The following SMC4 variants were observed in gnomAD, a reference collection of about 807,000 sequenced individuals.
SMC4 encodes structural maintenance of chromosomes protein 4.
In SMC4, 87 loss-of-function variants were observed where a neutral mutation model predicts 145.6. That is an observed-to-expected ratio of 0.60 (90% confidence interval 0.50 to 0.71). The LOEUF (loss-of-function observed/expected upper bound fraction) is 0.71, where lower values mean the gene tolerates loss of function less well. SMC4 is among the 30% of genes least tolerant of loss of function. SMC4 has a pLI of 0.00. For missense variants in SMC4, 1,447 were observed against 1,537.1 expected, an observed-to-expected ratio of 0.94 and a Z score of 0.98; for synonymous variants, 558 against 500.7, an observed-to-expected ratio of 1.11 and a Z score of -1.53.
chr3:160,416,228 T>C (rs1716563314), intron 9 of SMC4, 23 bp from the exon 10 acceptor site: 1 of 1,544,034 alleles, frequency 6.5e-7, no homozygotes, highest in Non-Finnish European at 8.7e-7. Context: ...TGTATGCTCC[T>C]ATAACTTGTT....
intron 22 of SMC4, 85 bp from the exon 23 acceptor site, chr3:160,432,941 T>A (rs1462604997): frequency 1.3e-5 from 11 of 862,230 alleles, no homozygotes; most frequent in Non-Finnish European, 2.0e-5. Flanking sequence ...AAAAAGATAG[T>A]AGAACTCAAT....
In SMC4 at chr3:160,423,685, T is replaced by C. The variant is rs371972543; in HGVS notation, c.2245+35T>C. The stretch of plus-strand genomic sequence containing the variant: ...TTTTTGTTTCTTGGTTTGTTTTTTT[T>C]TCCCCCCACAGCATTGACTTTATTT... On this transcript the variant is annotated intron_variant, in intron 14 of 23. Transcript: ENST00000357388. The C allele has an allele frequency of 1.7e-5, 27 of 1,597,702 alleles. No individual in the cohort carries two copies. The African/African-American group carries it at 2.6e-4, about 15-fold the overall frequency.
At chr3:160,413,447 T>C in intron 7 of SMC4, 26 bp from the exon 8 acceptor site, 1 of 1,561,458 alleles carries the variant, frequency 6.4e-7, no homozygotes, top group Non-Finnish European at 8.6e-7. Context: ...AGCTTCAATT[T>C]CTTTTTTTTT....
chr3:160,428,603 C>CT (rs1718046264), intron 17 of SMC4, 150 bp from the exon 18 acceptor site: 2 of 613,984 alleles, frequency 3.3e-6, no homozygotes, highest in East Asian at 6.4e-5. Context: ...TACAGGATAT[C>CT]GTTTTTTTTT....
intron 20 of SMC4, among the ~76,000 whole-genome samples, 181 bp downstream of exon 20, chr3:160,431,386 CAGAAA>C (rs2108505093): frequency 6.6e-6 from 1 of 152,184 alleles, no homozygotes; most frequent in East Asian, 1.9e-4. Context: ...TTGTTATATA[CAGAAA>C]AGTCTGAGTA....
intron 22 of SMC4, chr3:160,432,746 T>C: frequency 1.9e-6 from 1 of 528,210 alleles, no homozygotes; most frequent in Admixed American, 3.6e-5. Flanking sequence ...CAAGGCATTT[T>C]TAACATGAGG....
Position 160,416,326 on chromosome 3 carries a change from G to A in SMC4, c.1348G>A (p.Glu450Lys), listed in dbSNP as rs751417104. The change falls in exon 10 of 24, where the codon GAG (glutamate) becomes AAG (lysine). Residue 450 changes from glutamate (E) to lysine (K), a missense_variant. Glu to Lys is a moderately conservative substitution (Grantham distance 56). Transcript: ENST00000357388. ...AACAACAACCAGAAACAATGCCCTC[G>A]AGAAGGAAAAAGAGAAAGAAGAAAA... Reference protein sequence around the residue: ...NETTTRNNALEKEKEKEEKKL... With the variant: ...NETTTRNNALKKEKEKEEKKL... 6.9e-6 allele frequency: 11 copies of A among 1,603,876 alleles called. No individual in the cohort carries two copies. Among genetic ancestry groups the A allele is most frequent in the East Asian group, 2.2e-5 (1 of 44,662 alleles).
chr3:160,426,212 G>C lies in SMC4; in HGVS notation c.2605+12G>C. ...TGCTTTCAAAACAGGTATGTTTAGA[G>C]ATAGACCTTTTTTGGGGGGAAAAAA... On this transcript the variant is annotated intron_variant, in intron 17 of 23. Transcript: ENST00000357388. 1 of 1,575,054 alleles carries C rather than the reference G, an allele frequency of 6.3e-7. No homozygotes were observed. The highest frequency in any genetic ancestry group is 1.4e-5 in the African/African-American group (1 of 72,446).
At chr3:160,400,550 A>AAAC (rs555095647) in intron 1 of SMC4, 1 of 402,188 alleles carries the variant, frequency 2.5e-6, no homozygotes. Flanking sequence ...AGAGCCTTAA[A>AAAC]AACAACAACA....
intron 12 of SMC4, among the ~76,000 whole-genome samples, chr3:160,419,834 A>G (rs1037892286): frequency 3.3e-5 from 5 of 152,122 alleles, no homozygotes; most frequent in Non-Finnish European, 1.5e-5. Context: ...GCCAGGCACA[A>G]TGGTGTGTGC....
At position 160,413,594 on chromosome 3, in the gene SMC4, G is replaced by A. The variant is rs1364167470; in HGVS notation, c.1102G>A (p.Asp368Asn). 1.4e-6 allele frequency: 2 copies of A among 1,414,842 alleles called. No homozygotes were observed. Among genetic ancestry groups the A allele is most frequent in the Non-Finnish European group, 1.9e-6 (2 of 1,028,962 alleles). The allele number at this position is 1,414,842 out of a possible 1,614,324, so 87.6% of individuals were successfully genotyped here. ...LSNEMKAKNKDVKDTEKKLNK... is the reference protein window; with the variant it reads ...LSNEMKAKNKNVKDTEKKLNK... ...AAATGAAATGAAAGCTAAGAATAAAGATGTAAAAGATACAGAAAAGTAATA... is the reference window on the plus strand; with the variant it reads ...AAATGAAATGAAAGCTAAGAATAAAAATGTAAAAGATACAGAAAAGTAATA... The change falls in exon 8 of 24, where the codon GAT (aspartate) becomes AAT (asparagine). Residue 368 changes from aspartate to asparagine, a missense_variant. Coordinates refer to ENST00000357388, the MANE Select transcript of SMC4 (RefSeq NM_001002800.3).
intron 18 of SMC4, among the ~76,000 whole-genome samples, chr3:160,430,259 A>C (rs933702003): frequency 6.6e-6 from 1 of 152,160 alleles, no homozygotes; most frequent in African/African-American, 2.4e-5. Context: ...AAGTATTTGA[A>C]GGTACAACTT....
chr3:160,418,527 A>G (rs184909298), intron 11 of SMC4, among the ~76,000 whole-genome samples: 36 of 152,346 alleles, frequency 2.4e-4, no homozygotes, highest in Admixed American at 1.3e-3. Context: ...AAGTGTAATT[A>G]TACTGAAAAT....
chr3:160,402,529 C>CG, intron 3 of SMC4, 147 bp from the exon 4 acceptor site: 1 of 711,432 alleles, frequency 1.4e-6, no homozygotes, highest in Non-Finnish European at 2.3e-6. Context: ...AAACTCAAGT[C>CG]GTATGCCTGT....
At position 160,431,773 on chromosome 3, in the gene SMC4, G is replaced by A. The variant is rs754811455; in HGVS notation, c.3245G>A (p.Arg1082Gln). 1.5e-5 allele frequency: 24 copies of A among 1,613,604 alleles called. No homozygotes were observed. Among genetic ancestry groups the A allele is most frequent in the Middle Eastern group, 1.6e-4 (1 of 6,082 alleles). ...ITNQIALLEA[R>Q]CHEMKPNLGA... ...AATCAAATTGCACTTTTGGAAGCCC[G>A]GTGTCATGAAATGAAACCAAACCTC... Residue 1082 changes from arginine (R) to glutamine (Q), a missense_variant, in exon 21 of 24, where the codon CGG becomes CAG. By Grantham distance (43) the Arg-to-Gln change is conservative. Transcript: ENST00000357388.
intron 17 of SMC4, among the ~76,000 whole-genome samples, chr3:160,428,351 T>C (rs1302582523): frequency 6.6e-6 from 1 of 152,234 alleles, no homozygotes; most frequent in Admixed American, 6.5e-5. Flanking sequence ...ACTGCGAAGT[T>C]ATGTTAGCAG....
chr3:160,415,775 T>C (rs1016849196), intron 9 of SMC4, among the ~76,000 whole-genome samples: 2 of 152,246 alleles, frequency 1.3e-5, no homozygotes, highest in African/African-American at 4.8e-5. Context: ...TAAGTGATTA[T>C]TATCAGAAGA....
intron 15 of SMC4, 131 bp from the exon 16 acceptor site, chr3:160,424,736 G>T: frequency 1.1e-6 from 1 of 885,400 alleles, no homozygotes; most frequent in South Asian, 1.5e-5. Flanking sequence ...CTTGAACCCG[G>T]GAGGCGGAGG....
intron 4 of SMC4, among the ~76,000 whole-genome samples, chr3:160,403,512 CTAAT>C (rs1374262041): frequency 6.6e-6 from 1 of 152,092 alleles, no homozygotes; most frequent in East Asian, 1.9e-4. Context: ...ATATAGAAAA[CTAAT>C]TACATAATGA....
Sources: allele counts gnomAD v4.1 joint callset (sites outside exome capture counted in the v4.1 genomes callset), GRCh38; gene constraint gnomAD v4.1.1; transcripts MANE v1.5; gene names NCBI Gene and HGNC (gene_info 2026-07-23, HGNC 2026-07-21).